The following RNF157 variants were observed in gnomAD, a reference collection of about 807,000 sequenced individuals.
RNF157 encodes the protein ring finger protein 157, also known as E3 ubiquitin ligase RNF157.
Under a neutral mutation model 88.3 loss-of-function variants are expected in RNF157, and 55 were observed. The observed-to-expected ratio is 0.62, with a 90% CI of 0.50 to 0.78. The LOEUF (loss-of-function observed/expected upper bound fraction) is 0.78, where lower values mean the gene tolerates loss of function less well. Among genes scored for constraint, RNF157 ranks in the 30% least tolerant of loss-of-function variants. The pLI, the probability that RNF157 is intolerant of heterozygous loss-of-function variation, is 0.00. For synonymous variants in RNF157, 334 were observed against 341.2 expected (o/e 0.98, Z 0.23); for missense variants, 788 against 860.8 (o/e 0.92, Z 1.06).
intron 18 of RNF157, among the ~76,000 whole-genome samples, chr17:76,151,157 C>A (rs2068669214): frequency 6.6e-6 from 1 of 152,224 alleles, no homozygotes; most frequent in African/African-American, 2.4e-5. Context: ...AGGGGGTCTT[C>A]CCTGGGCCTG....
chr17:76,179,372 G>A (rs935159185), intron 2 of RNF157, among the ~76,000 whole-genome samples: 1 of 151,370 alleles, frequency 6.6e-6, no homozygotes, highest in Admixed American at 6.6e-5. Flanking sequence ...CCAGCTTGGG[G>A]GAGAGAGTGA....
At chr17:76,173,680 G>A in intron 3 of RNF157, 22 bp downstream of exon 3, 1 of 1,571,458 alleles carries the variant, frequency 6.4e-7, no homozygotes, top group South Asian at 1.1e-5. Flanking sequence ...CTGGGACCTG[G>A]CCCCAGCCTC....
chr17:76,204,057 G>A (rs1222079339), intron 2 of RNF157, among the ~76,000 whole-genome samples: 6 of 151,992 alleles, frequency 3.9e-5, no homozygotes, highest in Non-Finnish European at 8.8e-5. Context: ...GTGAGCCACC[G>A]CGCCCAGCCC....
rs893117836 is a variant in RNF157 at position 76,170,041 on chromosome 17, T to C, written c.297-2244A>G. On this transcript the variant is annotated intron_variant, in intron 3 of 18. Transcript: ENST00000269391. ...ACAGCAGGACTTGGGGATCCTGGGCTTCACTGTGGGCTGACCTGGATCTGT... is the reference window on the plus strand; with the variant it reads ...ACAGCAGGACTTGGGGATCCTGGGCCTCACTGTGGGCTGACCTGGATCTGT... 1.2e-4 allele frequency among the ~76,000 whole-genome samples: 19 copies of C among 152,220 alleles called. 1 individual carries two copies. Among genetic ancestry groups the C allele is most frequent in the Admixed American group, 1.2e-3 (18 of 15,284 alleles).
Position 76,173,623 on chromosome 17 carries a change from C to G in RNF157, c.296+79G>C, listed in dbSNP as rs984255650. 7.1e-6 allele frequency: 8 copies of G among 1,123,760 alleles called. No homozygotes were observed. The East Asian group carries it at 2.1e-4, about 29-fold the overall frequency. 69.6% of individuals were successfully genotyped at this position (1,123,760 alleles called of 1,614,324 possible). A position where few individuals can be genotyped will look rare whatever the true frequency, so the allele number is the denominator to read the frequency against. On this transcript the variant is annotated intron_variant, in intron 3 of 18. Transcript: ENST00000269391. ...CTGCCGGAAACTGCTGTATGAGTTC[C>G]TTGGGAAGTCTGTCCCCCAGCCCCC...
chr17:76,174,896 A>G (rs998903007), intron 2 of RNF157, among the ~76,000 whole-genome samples: 1 of 152,230 alleles, frequency 6.6e-6, no homozygotes, highest in Non-Finnish European at 1.5e-5. Context: ...TGATGCAGTA[A>G]TTTACTTTTT....
intron 18 of RNF157, among the ~76,000 whole-genome samples, chr17:76,151,785 G>T (rs2068681806): frequency 6.6e-6 from 1 of 152,162 alleles, no homozygotes; most frequent in Admixed American, 6.5e-5. Context: ...GAGCATAGAG[G>T]AGCCCTAACT....
chr17:76,152,523 G>A, intron 17 of RNF157, 58 bp from the exon 18 acceptor site: 3 of 999,672 alleles, frequency 3.0e-6, no homozygotes, highest in South Asian at 1.3e-5. Flanking sequence ...CTGCGTTGCT[G>A]TCCTTAAAAT....
chr17:76,193,276 A>G (rs2069417008), intron 2 of RNF157, among the ~76,000 whole-genome samples: 1 of 152,234 alleles, frequency 6.6e-6, no homozygotes, highest in African/African-American at 2.4e-5. Flanking sequence ...CTATAAAAAT[A>G]TATGTTATCA....
chr17:76,202,492 C>T (rs1303028327), intron 2 of RNF157, among the ~76,000 whole-genome samples: 1 of 152,190 alleles, frequency 6.6e-6, no homozygotes, highest in Non-Finnish European at 1.5e-5. Context: ...CAAATGTAAT[C>T]AGATGTTAAA....
Position 76,167,753 on chromosome 17 carries a change from G to A in RNF157, c.341C>T (p.Ala114Val), listed in dbSNP as rs1189994734. ...VKSPGEEASK[A>V]KVHYNVEFTF... ...GAACTCAACATTGTAGTGGACTTTA[G>A]CTTTACTGGCCTCTTCTCCAGGGCT... Residue 114 changes from alanine to valine, a missense_variant, in exon 4 of 19, where the codon GCT (alanine) becomes GTT (valine). Ala to Val is a moderately conservative substitution (Grantham distance 64). Coordinates refer to ENST00000269391, the MANE Select transcript of RNF157 (RefSeq NM_052916.3). 6 of 1,614,180 alleles carry A rather than the reference G, an allele frequency of 3.7e-6. No homozygotes were observed. The highest frequency in any genetic ancestry group is 5.1e-6 in the Non-Finnish European group (6 of 1,179,994).
intron 1 of RNF157, among the ~76,000 whole-genome samples, chr17:76,216,123 G>A (rs1183753084): frequency 6.6e-6 from 1 of 152,148 alleles, no homozygotes; most frequent in East Asian, 1.9e-4. Context: ...TACACAGATG[G>A]ATGGCTTGCC....
At position 76,146,293 on chromosome 17, in the gene RNF157, C is replaced by G. The variant is rs1598378998; in HGVS notation, c.1922-940G>C. 1.0e-6 allele frequency: 1 copy of G among 965,330 alleles called. No homozygotes were observed. The highest frequency in any genetic ancestry group is 1.1e-4 in the East Asian group (1 of 8,710). The allele number at this position is 965,330 out of a possible 1,614,324, so 59.8% of individuals were successfully genotyped here. On this transcript the variant is annotated intron_variant, in intron 18 of 18. Coordinates refer to ENST00000269391, the MANE Select transcript of RNF157 (RefSeq NM_052916.3). This position sits in a 1 kb window ranked among gnomAD's most constrained non-coding sequence, Gnocchi z 4.2. ...CATCAGATGGGACATGCGTACTGAC[C>G]TCACGGGCTTGCTGTGAGGACTAGA...
At chr17:76,207,925 TTTTATTTA>T (rs1048326046) in intron 2 of RNF157, among the ~76,000 whole-genome samples, 1 of 152,084 alleles carries the variant, frequency 6.6e-6, no homozygotes, top group African/African-American at 2.4e-5. Context: ...ACTCGTCTAC[TTTTATTTA>T]TTTATTTATT....
chr17:76,233,798 G>T (rs1486698428), intron 1 of RNF157, among the ~76,000 whole-genome samples: 2 of 152,182 alleles, frequency 1.3e-5, no homozygotes, highest in African/African-American at 4.8e-5. Flanking sequence ...CTCCCAAAGT[G>T]CTGGGATTAC....
intron 1 of RNF157, chr17:76,226,779 C>T (rs1442158037): frequency 1.3e-5 from 21 of 1,569,604 alleles, no homozygotes; most frequent in African/African-American, 4.1e-5. Context: ...ACCAACACCT[C>T]GTTGCTCAGG....
intron 2 of RNF157, among the ~76,000 whole-genome samples, chr17:76,204,676 G>A (rs1598428277): frequency 6.6e-6 from 1 of 152,070 alleles, no homozygotes; most frequent in East Asian, 1.9e-4. Context: ...ATGATAATAG[G>A]GTTCAATTTA....
intron 2 of RNF157, among the ~76,000 whole-genome samples, chr17:76,181,581 T>C (rs1284778118): frequency 1.3e-5 from 2 of 152,118 alleles, no homozygotes; most frequent in Admixed American, 1.3e-4. Flanking sequence ...TACTGCCAGA[T>C]AGTTCTAAAA....
chr17:76,229,860 A>G (rs1470644620), intron 1 of RNF157, among the ~76,000 whole-genome samples: 5 of 152,204 alleles, frequency 3.3e-5, no homozygotes, highest in Non-Finnish European at 7.4e-5. Flanking sequence ...AAAGAAAAAA[A>G]GGAAAGATAA....
Sources: gnomAD v4.1 joint callset for allele counts (sites outside exome capture counted in the v4.1 genomes callset) on GRCh38, gnomAD v4.1.1 for gene constraint, Gnocchi (gnomAD v3.1) non-coding constraint, MANE v1.5 for transcripts, NCBI Gene and HGNC (gene_info 2026-07-23, HGNC 2026-07-21) for gene names.